Variants in INVS observed in about 807,000 individuals in gnomAD.
INVS encodes the protein inversion of embryo turning homolog.
INVS carries 86 observed loss-of-function variants against 108.8 expected under a neutral mutation model. That is an observed-to-expected ratio of 0.79 (90% confidence interval 0.66 to 0.95). INVS has a LOEUF of 0.95. INVS is among the 40% of genes least tolerant of loss of function. The probability of loss-of-function intolerance (pLI) is 0.00; values close to 1 mark genes in which losing one functional copy is unlikely to be tolerated. For synonymous variants in INVS, 455 were observed against 473.5 expected, an observed-to-expected ratio of 0.96 and a Z score of 0.51; for missense variants, 1,169 against 1,297.4, an observed-to-expected ratio of 0.90 and a Z score of 1.52.
intron 3 of INVS, among the ~76,000 whole-genome samples, chr9:100,191,112 C>T (rs1338719850): frequency 6.6e-6 from 1 of 152,104 alleles, no homozygotes; most frequent in Non-Finnish European, 1.5e-5. Context: ...CCTCCCACCT[C>T]GGCCTCCCGA....
At chr9:100,264,618 CAAAA>C (rs36049678) in intron 10 of INVS, among the ~76,000 whole-genome samples, 200 bp from the exon 11 acceptor site, 1 of 127,310 alleles carries the variant, frequency 7.9e-6, no homozygotes, top group Non-Finnish European at 1.7e-5. Context: ...AACTCCGTCT[CAAAA>C]AAAAAAAAAA....
intron 7 of INVS, among the ~76,000 whole-genome samples, chr9:100,246,334 T>G (rs1357309987): frequency 6.6e-6 from 1 of 152,120 alleles, no homozygotes; most frequent in African/African-American, 2.4e-5. Context: ...TTTCCAAGCT[T>G]GATTGAAGAT....
intron 3 of INVS, among the ~76,000 whole-genome samples, chr9:100,126,979 A>G (rs1827905544): frequency 6.6e-6 from 1 of 152,114 alleles, no homozygotes; most frequent in Non-Finnish European, 1.5e-5. Context: ...TATTACTTTT[A>G]CTATAAAAAG....
chr9:100,205,753 A>G (rs1830656199), intron 3 of INVS, among the ~76,000 whole-genome samples: 1 of 152,032 alleles, frequency 6.6e-6, no homozygotes, highest in Non-Finnish European at 1.5e-5. Context: ...GATAATCTCT[A>G]TAACTATCCA....
In INVS at chr9:100,211,770, G is replaced by A. The variant is rs1830838745; in HGVS notation, c.274-14292G>A. 2.0e-5 allele frequency among the ~76,000 whole-genome samples: 3 copies of A among 152,310 alleles called. No individual in the cohort carries two copies. In the South Asian group the frequency reaches 6.2e-4, roughly 32 times the overall value. On this transcript the variant is annotated intron_variant, in intron 3 of 16. Transcript: ENST00000262457. ...TTCTTGGCTGATGTATTGTCTAGCT[G>A]CTCTGCCAGATGGATGAACATCTTA...
chr9:100,260,845 A>G (rs1832599556), intron 10 of INVS, among the ~76,000 whole-genome samples: 1 of 152,172 alleles, frequency 6.6e-6, no homozygotes, highest in Admixed American at 6.5e-5. Context: ...GTAATGTTTC[A>G]GTAATTATCT....
At chr9:100,138,491 A>T (rs565547610) in intron 3 of INVS, among the ~76,000 whole-genome samples, 2 of 152,174 alleles carry the variant, frequency 1.3e-5, no homozygotes, top group South Asian at 4.1e-4. Flanking sequence ...GAAACATTAG[A>T]TTTGAGTTGA....
chr9:100,175,483 A>G, intron 3 of INVS: 1 of 809,538 alleles, frequency 1.2e-6, no homozygotes, highest in Non-Finnish European at 2.2e-6. Context: ...GATAGATTTC[A>G]GAGACAGAAA....
chr9:100,246,157 A>AAAAAAG (rs1157716830), intron 7 of INVS, among the ~76,000 whole-genome samples: 1 of 151,972 alleles, frequency 6.6e-6, no homozygotes, highest in Admixed American at 6.6e-5. Context: ...CCTCTCAAAA[A>AAAAAAG]AAAAAGAAAA....
intron 3 of INVS, among the ~76,000 whole-genome samples, chr9:100,140,059 A>G (rs1828372925): frequency 6.6e-6 from 1 of 152,218 alleles, no homozygotes; most frequent in African/African-American, 2.4e-5. Context: ...AAAACCACTT[A>G]TCCATTAAAC....
At chr9:100,204,855 T>C (rs1466971691) in intron 3 of INVS, among the ~76,000 whole-genome samples, 1 of 152,164 alleles carries the variant, frequency 6.6e-6, no homozygotes, top group African/African-American at 2.4e-5. Context: ...TTTTTGGTCA[T>C]TACCTACTTA....
Position 100,179,287 on chromosome 9 carries a change from G to A in INVS, c.274-46775G>A, listed in dbSNP as rs182951025. On this transcript the variant is annotated intron_variant, in intron 3 of 16. Transcript: ENST00000262457. ...TGACAGGATCAAATTCACAGATAAC[G>A]ATATTAACCTTAAATGTAAATGGTC... Among the ~76,000 whole-genome samples the A allele has an allele frequency of 1.6e-4, 24 of 152,134 alleles. No homozygotes were observed. In the East Asian group the frequency reaches 4.3e-3, roughly 27 times the overall value.
At chr9:100,105,687 G>C (rs1410399327) in intron 2 of INVS, among the ~76,000 whole-genome samples, 1 of 151,852 alleles carries the variant, frequency 6.6e-6, no homozygotes, top group Admixed American at 6.6e-5. Flanking sequence ...CTTACTTTCA[G>C]CTCACTTACT....
intron 3 of INVS, among the ~76,000 whole-genome samples, chr9:100,178,051 G>A (rs1171282381): frequency 6.6e-6 from 1 of 152,102 alleles, no homozygotes; most frequent in African/African-American, 2.4e-5. Context: ...CTATTAGAAG[G>A]AAAACTAACA....
intron 10 of INVS, among the ~76,000 whole-genome samples, chr9:100,253,797 T>G (rs1424899991): frequency 6.6e-6 from 1 of 152,256 alleles, no homozygotes; most frequent in Non-Finnish European, 1.5e-5. Context: ...TGCTGTATTT[T>G]CTTAATCCAG....
chr9:100,151,503 T>A (rs974344434), intron 3 of INVS, among the ~76,000 whole-genome samples: 2 of 151,614 alleles, frequency 1.3e-5, no homozygotes, highest in African/African-American at 4.8e-5. Context: ...AATATATATA[T>A]ACCTTATAAT....
intron 13 of INVS, among the ~76,000 whole-genome samples, chr9:100,291,336 A>G (rs1833609280): frequency 6.6e-6 from 1 of 152,182 alleles, no homozygotes; most frequent in Non-Finnish European, 1.5e-5. Flanking sequence ...CTGGGATTAC[A>G]GGCATGAGCC....
At chr9:100,225,708 GA>G (rs912062789) in intron 3 of INVS, among the ~76,000 whole-genome samples, 11 of 150,694 alleles carry the variant, frequency 7.3e-5, no homozygotes, top group East Asian at 5.8e-4. Flanking sequence ...AAAAAATTAA[GA>G]AAAAAAATGT....
intron 12 of INVS, among the ~76,000 whole-genome samples, chr9:100,280,717 A>T (rs1266044882): frequency 6.6e-6 from 1 of 152,214 alleles, no homozygotes. Context: ...TTGACATTTC[A>T]TCATAACTTA....
Sources: allele counts gnomAD v4.1 joint callset (sites outside exome capture counted in the v4.1 genomes callset), GRCh38; gene constraint gnomAD v4.1.1; transcripts MANE v1.5; gene names NCBI Gene and HGNC (gene_info 2026-07-23, HGNC 2026-07-21).